KCNH8: variants seen among roughly 807,000 people sequenced by gnomAD.
KCNH8 encodes the protein voltage-gated delayed rectifier potassium channel KCNH8.
Under a neutral mutation model 103.6 loss-of-function variants are expected in KCNH8, and 70 were observed. That is an observed-to-expected ratio of 0.68 (90% CI 0.56 to 0.82). The LOEUF (loss-of-function observed/expected upper bound fraction) is 0.82. KCNH8 is among the 40% of genes least tolerant of loss of function. The probability of loss-of-function intolerance (pLI) is 0.00; values close to 1 mark genes in which losing one functional copy is unlikely to be tolerated. For missense variants in KCNH8, 1,217 were observed against 1,329.9 expected (o/e 0.92, Z 1.32); for synonymous variants, 498 against 489.4 (o/e 1.02, Z -0.23).
At chr3:19,196,179 A>G (rs1180953342) in intron 1 of KCNH8, among the ~76,000 whole-genome samples, 2 of 151,854 alleles carry the variant, frequency 1.3e-5, no homozygotes, top group Admixed American at 6.6e-5. Flanking sequence ...TTGTTCAGTT[A>G]TTGTCTTCCT....
chr3:19,397,879 AAC>A (rs1262694081), intron 7 of KCNH8, among the ~76,000 whole-genome samples: 1 of 151,866 alleles, frequency 6.6e-6, no homozygotes, highest in Non-Finnish European at 1.5e-5. Flanking sequence ...CTGAGATTTG[AAC>A]ACAGATTAAA....
intron 5 of KCNH8, among the ~76,000 whole-genome samples, chr3:19,354,418 G>C (rs191284892): frequency 1.3e-5 from 2 of 152,258 alleles, no homozygotes; most frequent in African/African-American, 4.8e-5. Flanking sequence ...AGCCCGCATT[G>C]CCAAGTCAGT....
At chr3:19,260,996 GTTTA>G (rs991025965) in intron 2 of KCNH8, among the ~76,000 whole-genome samples, 10 of 137,736 alleles carry the variant, frequency 7.3e-5, no homozygotes, top group Middle Eastern at 3.9e-3. Flanking sequence ...ATATATATCA[GTTTA>G]TTTATCAAAT....
intron 11 of KCNH8, among the ~76,000 whole-genome samples, chr3:19,463,789 T>C (rs2067682212): frequency 6.6e-6 from 1 of 152,124 alleles, no homozygotes; most frequent in Admixed American, 6.6e-5. Context: ...TGTATGGGGA[T>C]GTTCATTGTA....
chr3:19,373,620 C>G (rs1279428334), intron 5 of KCNH8, among the ~76,000 whole-genome samples: 2 of 151,928 alleles, frequency 1.3e-5, no homozygotes, highest in African/African-American at 2.4e-5. Flanking sequence ...CAGTTCTGCT[C>G]TGATCTTAGT....
chr3:19,232,566 C>T (rs2064008600), intron 1 of KCNH8, among the ~76,000 whole-genome samples: 2 of 152,166 alleles, frequency 1.3e-5, no homozygotes, highest in South Asian at 4.1e-4. Flanking sequence ...GAAAAAGGTA[C>T]TCCTGGTGGA....
chr3:19,214,511 T>G (rs1219138613), intron 1 of KCNH8, among the ~76,000 whole-genome samples: 1 of 152,206 alleles, frequency 6.6e-6, no homozygotes, highest in Non-Finnish European at 1.5e-5. Context: ...CTCCTTTGAC[T>G]TAAGGCAAGG....
intron 7 of KCNH8, among the ~76,000 whole-genome samples, chr3:19,401,666 A>AT (rs1391927851): frequency 1.3e-5 from 2 of 151,938 alleles, no homozygotes; most frequent in African/African-American, 4.8e-5. Context: ...TAAAGACTCA[A>AT]TTTTTTTATA....
intron 2 of KCNH8, among the ~76,000 whole-genome samples, chr3:19,277,664 G>A (rs768224370): frequency 2.0e-5 from 3 of 152,184 alleles, no homozygotes; most frequent in South Asian, 2.1e-4. Context: ...TCCCAATCAA[G>A]AAAAAGAAAG....
In KCNH8 at chr3:19,170,785, C is replaced by T. The variant is rs1370519337; in HGVS notation, c.76+21990C>T. Among the ~76,000 whole-genome samples, 61 of 114,454 alleles carry T rather than the reference C, an allele frequency of 5.3e-4. 1 individual carries two copies. The highest frequency in any genetic ancestry group is 2.0e-3 in the African/African-American group (55 of 27,580). The allele number at this position is 114,454 out of a possible 152,430, so 75.1% of individuals were successfully genotyped here. ...ACACACATATATATACACACACACA[C>T]ACACATATATATATATATATATATA... On this transcript the variant is annotated intron_variant, in intron 1 of 15. Transcript: ENST00000328405.
chr3:19,525,113 A>T (rs148276580), intron 15 of KCNH8, among the ~76,000 whole-genome samples: 169 of 152,106 alleles, frequency 1.1e-3, no homozygotes, highest in Non-Finnish European at 1.8e-3. Context: ...GTGAGGTAAC[A>T]GATATGCTAA....
rs776698986 is a variant in KCNH8, at chr3:19,513,138, G to T, written c.2248G>T (p.Gly750Cys). The change falls in exon 13 of 16, where the codon GGC becomes TGC. Residue 750 changes from glycine to cysteine, a missense_variant. Physicochemically the swap from Gly to Cys is radical, Grantham distance 159. Around this residue, in one of 3 missense-constraint regions of KCNH8, gnomAD observed 558 missense variants for 495.8 expected, o/e 1.13. Coordinates refer to ENST00000328405, the MANE Select transcript of KCNH8 (RefSeq NM_144633.3). ...GGTTGGAAGCAATAAAGCCTACCTGGGCTTAAGCTTAAAGCAACTGGCCTC... is the reference window on the plus strand; with the variant it reads ...GGTTGGAAGCAATAAAGCCTACCTGTGCTTAAGCTTAAAGCAACTGGCCTC... ...KKVGSNKAYL[G>C]LSLKQLASGT... 1 of 1,613,904 alleles carries T rather than the reference G, an allele frequency of 6.2e-7. No individual in the cohort carries two copies. Among genetic ancestry groups the T allele is most frequent in the Non-Finnish European group, 8.5e-7 (1 of 1,179,942 alleles).
intron 1 of KCNH8, among the ~76,000 whole-genome samples, chr3:19,197,161 T>C (rs182067516): frequency 6.6e-6 from 1 of 152,148 alleles, no homozygotes; most frequent in Non-Finnish European, 1.5e-5. Context: ...TCTTTGTCCT[T>C]CCCCTCAGTG....
At chr3:19,223,027 A>G (rs1166023119) in intron 1 of KCNH8, among the ~76,000 whole-genome samples, 1 of 152,126 alleles carries the variant, frequency 6.6e-6, no homozygotes, top group East Asian at 1.9e-4. Flanking sequence ...GTCTTTATTC[A>G]TATATTAAGT....
Position 19,450,196 on chromosome 3 carries a change from A to T in KCNH8, c.1466A>T (p.Asp489Val). ...RWSLYHTRTK[D>V]LKDFIRVHHL... is the part of the protein sequence containing the mutation. ...TCCCTCTATCACACTAGAACTAAGG[A>T]TCTGAAAGATTTCATCCGTGTCCAT... The change falls in exon 9 of 16, where the codon GAT becomes GTT. Residue 489 changes from aspartate (D) to valine (V), a missense_variant. Coordinates refer to ENST00000328405, the MANE Select transcript of KCNH8 (RefSeq NM_144633.3). 1 of 1,613,616 alleles carries T rather than the reference A, an allele frequency of 6.2e-7. No homozygotes were observed. The highest frequency in any genetic ancestry group is 8.5e-7 in the Non-Finnish European group (1 of 1,179,724).
chr3:19,224,023 CATCTT>C (rs2063902847), intron 1 of KCNH8, among the ~76,000 whole-genome samples: 1 of 152,226 alleles, frequency 6.6e-6, no homozygotes, highest in Non-Finnish European at 1.5e-5. Context: ...TATAGTGACA[CATCTT>C]ATACTGATTT....
chr3:19,497,675 A>C (rs1417301986), intron 11 of KCNH8, among the ~76,000 whole-genome samples: 1 of 152,084 alleles, frequency 6.6e-6, no homozygotes, highest in Non-Finnish European at 1.5e-5. Context: ...GGTTGATTTT[A>C]GAATATGTGC....
At chr3:19,242,260 C>A (rs1232711542) in intron 1 of KCNH8, among the ~76,000 whole-genome samples, 1 of 152,152 alleles carries the variant, frequency 6.6e-6, no homozygotes, top group Non-Finnish European at 1.5e-5. Flanking sequence ...GGTGTTAAAT[C>A]CACATGTGGA....
intron 7 of KCNH8, among the ~76,000 whole-genome samples, chr3:19,401,138 A>G (rs2066607345): frequency 6.6e-6 from 1 of 151,932 alleles, no homozygotes; most frequent in South Asian, 2.1e-4. Context: ...CCTTTAATAT[A>G]AATTCTAATT....
Sources: allele counts gnomAD v4.1 joint callset (sites outside exome capture counted in the v4.1 genomes callset), GRCh38; gene constraint gnomAD v4.1.1; regional missense constraint gnomAD v4.1.1; transcripts MANE v1.5; gene names NCBI Gene and HGNC (gene_info 2026-07-23, HGNC 2026-07-21).